Variants in CDC42BPA observed in about 807,000 individuals in gnomAD.
The protein encoded by CDC42BPA is serine/threonine-protein kinase MRCK alpha.
CDC42BPA carries 80 observed loss-of-function variants against 223.5 expected under a neutral mutation model. That is an observed-to-expected ratio of 0.36 (90% CI 0.30 to 0.43). The LOEUF is 0.43. Among genes scored for constraint, CDC42BPA ranks in the 20% least tolerant of loss-of-function variants. The pLI is 1.00. For synonymous variants in CDC42BPA, 694 were observed against 718.6 expected (o/e 0.97, Z 0.55); for missense variants, 1,743 against 2,099.9 (o/e 0.83, Z 3.32).
chr1:227,002,588 T>C (rs529323395), intron 35 of CDC42BPA, among the ~76,000 whole-genome samples: 1 of 152,302 alleles, frequency 6.6e-6, no homozygotes, highest in Admixed American at 6.5e-5. Flanking sequence ...AACAGCATAC[T>C]GAAGAAGTGG....
At chr1:227,253,197 A>G in intron 2 of CDC42BPA, among the ~76,000 whole-genome samples, 1 of 152,040 alleles carries the variant, frequency 6.6e-6, no homozygotes, top group South Asian at 2.1e-4. Context: ...GAGAGAGAGG[A>G]GACAAGAGAA....
chr1:227,098,614 C>T (rs1282411874), intron 15 of CDC42BPA, among the ~76,000 whole-genome samples: 1 of 152,176 alleles, frequency 6.6e-6, no homozygotes, highest in African/African-American at 2.4e-5. Flanking sequence ...CTTGAGTCTT[C>T]CTTTTTCTCC....
intron 34 of CDC42BPA, among the ~76,000 whole-genome samples, chr1:227,014,218 T>C (rs1665772050): frequency 2.0e-5 from 3 of 152,160 alleles, no homozygotes; most frequent in Admixed American, 2.0e-4. Context: ...GATAGAAAAG[T>C]ATAATAGTTT....
At chr1:227,272,863 T>C (rs1350015293) in intron 1 of CDC42BPA, among the ~76,000 whole-genome samples, 1 of 152,238 alleles carries the variant, frequency 6.6e-6, no homozygotes, top group African/African-American at 2.4e-5. Context: ...TCAGAAAAAG[T>C]TGACTGCAAA....
rs754297250 is a variant in CDC42BPA, at chr1:226,991,259, C to A, written c.*3009G>T. ...CTATTGAGAAACAGGTTTCTGCTGC[C>A]ATATACGTTTTTAAAATGTCCTGCA... On this transcript the variant is annotated 3_prime_UTR_variant, in exon 37 of 37. Coordinates refer to ENST00000366766, the MANE Select transcript of CDC42BPA (RefSeq NM_001394014.1). 3.3e-5 allele frequency: 5 copies of A among 152,498 alleles called. No homozygotes were observed. Among genetic ancestry groups the A allele is most frequent in the Non-Finnish European group, 7.4e-5 (5 of 68,020 alleles). The allele number at this position is 152,498 out of a possible 1,614,324, so 9.4% of individuals were successfully genotyped here. A position where few individuals can be genotyped will look rare whatever the true frequency, so the allele number is the denominator to read the frequency against.
intron 16 of CDC42BPA, among the ~76,000 whole-genome samples, chr1:227,082,702 G>T: frequency 8.9e-6 from 1 of 112,178 alleles, no homozygotes; most frequent in Non-Finnish European, 1.7e-5. Flanking sequence ...GTGACAGAAT[G>T]AGACTCTGTC....
chr1:227,315,920 T>C (rs1694299659), intron 1 of CDC42BPA, among the ~76,000 whole-genome samples: 1 of 141,422 alleles, frequency 7.1e-6, no homozygotes, highest in South Asian at 2.2e-4. Context: ...ATCAGTGGTT[T>C]ACCTGAGAAA....
rs565146325 is a variant in CDC42BPA, at chr1:227,153,580, T to C, written c.694-6021A>G. 2.6e-5 allele frequency among the ~76,000 whole-genome samples: 4 copies of C among 151,932 alleles called. No homozygotes were observed. In the South Asian group the frequency reaches 6.2e-4, roughly 24 times the overall value. On this transcript the variant is annotated intron_variant, in intron 6 of 36. Coordinates refer to ENST00000366766, the MANE Select transcript of CDC42BPA (RefSeq NM_001394014.1). ...GCAAAATGACACTGTAACAAAGATG[T>C]TAAAACTAGGAAGAAGGTGGTCTGA...
chr1:227,275,588 CCTCCCCCTCCCCCT>C (rs1439889720), intron 1 of CDC42BPA, among the ~76,000 whole-genome samples: 4 of 148,252 alleles, frequency 2.7e-5, no homozygotes, highest in Admixed American at 6.7e-5. Flanking sequence ...AAATGTTCCC[CCTCCCCCTCCCCCT>C]CTCCCCCTCC....
rs1380001428 is a variant in CDC42BPA at position 227,316,985 on chromosome 1, T to C, written c.178+20A>G. 1.3e-6 allele frequency: 2 copies of C among 1,587,684 alleles called. No individual in the cohort carries two copies. The highest frequency in any genetic ancestry group is 1.7e-6 in the Non-Finnish European group (2 of 1,156,326). ...TGACCAGCTAAAGATTAACAGTTTC[T>C]TTAAAAATTACAAACTTACCCCATT... On this transcript the variant is annotated intron_variant, in intron 1 of 36. Transcript: ENST00000366766.
rs889327116 is a variant in CDC42BPA, at chr1:227,028,638, G to GTT, written c.4432+18_4432+19insAA. The GTT allele has an allele frequency of 1.4e-6, 2 of 1,468,956 alleles. No homozygotes were observed. Among genetic ancestry groups the GTT allele is most frequent in the Non-Finnish European group, 1.8e-6 (2 of 1,081,146 alleles). The allele number at this position is 1,468,956 out of a possible 1,614,324, so 91.0% of individuals were successfully genotyped here. A position where few individuals can be genotyped will look rare whatever the true frequency, so the allele number is the denominator to read the frequency against. The stretch of plus-strand genomic sequence containing the variant: ...GAAGAGATATAAAGATAAGACAGCC[G>GTT]TAAGAAAGAGAATCTTACAACAAGA... On this transcript the variant is annotated intron_variant, in intron 30 of 36. Transcript: ENST00000366766.
Position 227,023,340 on chromosome 1 carries a change from G to A in CDC42BPA, c.4538C>T (p.Pro1513Leu). ...ATTTAATGATCCTTCATTGTTTAAG[G>A]GTCGAACCTAAAATAAAAGACAAAA... The part of the protein sequence containing the change: ...IQTLPLKKVR[P>L]LNNEGSLNLL... Residue 1513 changes from proline (P) to leucine (L), a missense_variant, in exon 32 of 37, where the codon CCC (proline) becomes CTC (leucine). Around this residue, in one of 6 missense-constraint regions of CDC42BPA, gnomAD observed 678 missense variants for 777.5 expected, o/e 0.87. Transcript: ENST00000366766. 6.6e-7 allele frequency: 1 copy of A among 1,513,330 alleles called. No individual in the cohort carries two copies. Among genetic ancestry groups the A allele is most frequent in the South Asian group, 1.2e-5 (1 of 81,414 alleles). 93.7% of individuals were successfully genotyped at this position (1,513,330 alleles called of 1,614,324 possible). A position where few individuals can be genotyped will look rare whatever the true frequency, so the allele number is the denominator to read the frequency against.
intron 2 of CDC42BPA, among the ~76,000 whole-genome samples, chr1:227,244,593 T>C (rs1680589492): frequency 6.6e-6 from 1 of 152,148 alleles, no homozygotes; most frequent in African/African-American, 2.4e-5. Context: ...AAAATCTGGC[T>C]ATGGCCAGGG....
intron 5 of CDC42BPA, among the ~76,000 whole-genome samples, chr1:227,179,421 G>A (rs962308112): frequency 8.6e-5 from 13 of 151,884 alleles, no homozygotes; most frequent in Non-Finnish European, 1.8e-4. Flanking sequence ...CGGATCACAA[G>A]GTCAGGAGAT....
chr1:227,129,016 CACAG>C, intron 11 of CDC42BPA, 89 bp downstream of exon 11: 1 of 858,972 alleles, frequency 1.2e-6, no homozygotes, highest in Non-Finnish European at 1.8e-6. Context: ...CATCACATAA[CACAG>C]ACAGGTTCTC....
intron 1 of CDC42BPA, among the ~76,000 whole-genome samples, chr1:227,300,780 C>T (rs950318312): frequency 6.6e-6 from 1 of 152,198 alleles, no homozygotes; most frequent in Non-Finnish European, 1.5e-5. Context: ...CTATACAATT[C>T]ATCCATGTAA....
chr1:227,035,666 G>A (rs10495272), intron 24 of CDC42BPA, 59 bp from the exon 25 acceptor site: 237,664 of 1,333,490 alleles, frequency 0.18, 22,693 homozygotes, highest in South Asian at 0.32. Context: ...AAGAAAATTC[G>A]TAACACTCAC....
intron 21 of CDC42BPA, among the ~76,000 whole-genome samples, chr1:227,063,727 G>A (rs1049368392): frequency 6.6e-5 from 10 of 152,054 alleles, no homozygotes; most frequent in Admixed American, 5.9e-4. Flanking sequence ...TTTGGTCATA[G>A]GACTAAAAAT....
At chr1:227,089,651 T>TAAA (rs67536577) in intron 16 of CDC42BPA, among the ~76,000 whole-genome samples, 1 of 118,858 alleles carries the variant, frequency 8.4e-6, no homozygotes, top group Non-Finnish European at 1.8e-5. Context: ...TTTTTTTTTT[T>TAAA]AAAAACAAAC....
Sources: gnomAD v4.1 joint callset for allele counts (sites outside exome capture counted in the v4.1 genomes callset) on GRCh38, gnomAD v4.1.1 for gene constraint, gnomAD v4.1.1 regional missense constraint, MANE v1.5 for transcripts, NCBI Gene and HGNC (gene_info 2026-07-23, HGNC 2026-07-21) for gene names.